The following LRRC4C variants were observed in gnomAD, a reference collection of about 807,000 sequenced individuals.
LRRC4C encodes the protein leucine rich repeat containing 4C, also known as leucine-rich repeat-containing protein 4C.
Under a neutral mutation model 33.6 loss-of-function variants are expected in LRRC4C, and 5 were observed. The ratio of observed to expected loss-of-function variants is 0.15; its 90% CI spans 0.08 to 0.31. The LOEUF (loss-of-function observed/expected upper bound fraction) is 0.31, where lower values mean the gene tolerates loss of function less well. Among genes scored for constraint, LRRC4C ranks in the 10% least tolerant of loss-of-function variants. The pLI is 1.00. For missense variants in LRRC4C, 560 were observed against 796.7 expected, an observed-to-expected ratio of 0.70 and a Z score of 3.58; for synonymous variants, 329 against 302.0, an observed-to-expected ratio of 1.09 and a Z score of -0.93.
intron 5 of LRRC4C, among the ~76,000 whole-genome samples, chr11:40,156,032 C>T (rs187490045): frequency 6.6e-6 from 1 of 152,198 alleles, no homozygotes; most frequent in Non-Finnish European, 1.5e-5. Flanking sequence ...ACCATAGATG[C>T]AGGGATGGTT....
chr11:41,330,289 C>T (rs1951250877), intron 1 of LRRC4C, among the ~76,000 whole-genome samples: 1 of 152,088 alleles, frequency 6.6e-6, no homozygotes, highest in Non-Finnish European at 1.5e-5. Context: ...TTTGAATTCT[C>T]ATTACTGTTG....
chr11:40,968,459 A>T (rs1851502703), intron 1 of LRRC4C, among the ~76,000 whole-genome samples: 1 of 152,148 alleles, frequency 6.6e-6, no homozygotes, highest in Non-Finnish European at 1.5e-5. Flanking sequence ...GTAGAAAAAA[A>T]TGACTATGTT....
At chr11:40,817,389 A>C (rs1356504685) in intron 2 of LRRC4C, among the ~76,000 whole-genome samples, 1 of 152,150 alleles carries the variant, frequency 6.6e-6, no homozygotes, top group Admixed American at 6.6e-5. Context: ...AGTTTTTCAG[A>C]TCCTTTTAAC....
chr11:41,398,767 G>A (rs1440691241), intron 1 of LRRC4C, among the ~76,000 whole-genome samples: 3 of 151,798 alleles, frequency 2.0e-5, no homozygotes, highest in Non-Finnish European at 2.9e-5. Context: ...GCAACACACA[G>A]GCCTAATTCT....
At chr11:40,898,558 C>T (rs1956069440) in intron 2 of LRRC4C, among the ~76,000 whole-genome samples, 1 of 150,992 alleles carries the variant, frequency 6.6e-6, no homozygotes, top group Non-Finnish European at 1.5e-5. Context: ...TACACACTCA[C>T]AAAAAGAAAA....
rs186376158 is a variant in LRRC4C at position 40,137,056 on chromosome 11, T to C, written c.-43+3745A>G. Among the ~76,000 whole-genome samples the C allele has an allele frequency of 1.4e-3, 219 of 152,330 alleles. 1 individual carries two copies. The highest frequency in any genetic ancestry group is 4.9e-3 in the African/African-American group (202 of 41,584). On this transcript the variant is annotated intron_variant, in intron 6 of 6. Transcript: ENST00000528697. ...ATAAGCATATAACAACAAAAAAAGT[T>C]AGAGCTATCATTTTTATCTCCAATA...
At chr11:40,706,164 G>A (rs1162536525) in intron 2 of LRRC4C, among the ~76,000 whole-genome samples, 1 of 152,072 alleles carries the variant, frequency 6.6e-6, no homozygotes, top group Non-Finnish European at 1.5e-5. Context: ...TAGGTTGCCT[G>A]TTCACTCTGA....
At chr11:40,468,436 G>A (rs1185772655) in intron 3 of LRRC4C, among the ~76,000 whole-genome samples, 1 of 152,156 alleles carries the variant, frequency 6.6e-6, no homozygotes, top group African/African-American at 2.4e-5. Context: ...CATATGGAGA[G>A]TAATCTACTT....
chr11:40,921,817 T>G (rs1293779562), intron 2 of LRRC4C, among the ~76,000 whole-genome samples: 2 of 152,258 alleles, frequency 1.3e-5, no homozygotes, highest in East Asian at 1.9e-4. Context: ...ACAATAGCAA[T>G]GGAAAATAAA....
At chr11:41,012,584 C>T (rs1435728094) in intron 1 of LRRC4C, among the ~76,000 whole-genome samples, 1 of 152,074 alleles carries the variant, frequency 6.6e-6, no homozygotes, top group Admixed American at 6.6e-5. Flanking sequence ...TATTTCCTTT[C>T]TTTTGAATAT....
intron 1 of LRRC4C, among the ~76,000 whole-genome samples, chr11:41,395,810 A>G (rs2138051244): frequency 6.6e-6 from 1 of 151,948 alleles, no homozygotes; most frequent in East Asian, 1.9e-4. Context: ...CACTCCTCTT[A>G]CCCTCCAACA....
At chr11:41,190,330 T>C (rs72892675) in intron 1 of LRRC4C, among the ~76,000 whole-genome samples, 429 of 152,228 alleles carry the variant, frequency 2.8e-3, no homozygotes, top group Non-Finnish European at 4.4e-3. Context: ...TTGGAAACCT[T>C]ATAATTAAGG....
intron 1 of LRRC4C, among the ~76,000 whole-genome samples, chr11:41,221,624 A>T (rs575122296): frequency 7.2e-5 from 11 of 152,350 alleles, no homozygotes; most frequent in Non-Finnish European, 1.2e-4. Flanking sequence ...ATCACTATTT[A>T]CAATAGTAAA....
chr11:40,899,356 C>T (rs946537367), intron 2 of LRRC4C, among the ~76,000 whole-genome samples: 6 of 152,118 alleles, frequency 3.9e-5, no homozygotes, highest in African/African-American at 1.4e-4. Context: ...ATCTTCGTAC[C>T]GTGACCCTTC....
chr11:40,628,998 C>T (rs922357999), intron 3 of LRRC4C, among the ~76,000 whole-genome samples: 3 of 151,926 alleles, frequency 2.0e-5, no homozygotes, highest in Admixed American at 6.6e-5. Context: ...AAACGTTTGC[C>T]TATTGGGGTA....
chr11:40,370,389 C>T (rs917010164), intron 3 of LRRC4C, among the ~76,000 whole-genome samples: 6 of 152,136 alleles, frequency 3.9e-5, no homozygotes, highest in African/African-American at 1.4e-4. Context: ...GATTAATGAT[C>T]AGGGAAGATG....
intron 2 of LRRC4C, among the ~76,000 whole-genome samples, chr11:40,675,753 T>G (rs1944367592): frequency 6.6e-6 from 1 of 152,240 alleles, no homozygotes; most frequent in Admixed American, 6.5e-5. Flanking sequence ...CTTGGATATA[T>G]TCACACAGTC....
chr11:40,287,256 A>G lies in LRRC4C; in HGVS notation c.-176+32372T>C, dbSNP rs928991854. ...TAAGGAAGCAACTTAATGTCACTGT[A>G]TGTGTGTGTGTGTGTGTGTGTGTGT... is the stretch of plus-strand genomic sequence containing the variant. On this transcript the variant is annotated intron_variant, in intron 4 of 6. Transcript: ENST00000528697. 5.2e-4 allele frequency among the ~76,000 whole-genome samples: 75 copies of G among 144,876 alleles called. 1 individual carries two copies. The South Asian group carries it at 0.013, about 26-fold the overall frequency.
At chr11:41,200,979 T>C (rs1230053403) in intron 1 of LRRC4C, among the ~76,000 whole-genome samples, 2 of 152,190 alleles carry the variant, frequency 1.3e-5, no homozygotes, top group African/African-American at 4.8e-5. Context: ...ATGAAACTTG[T>C]ATGCATTTTA....
Sources: allele counts gnomAD v4.1 joint callset (sites outside exome capture counted in the v4.1 genomes callset), GRCh38; gene constraint gnomAD v4.1.1; transcripts MANE v1.5; gene names NCBI Gene and HGNC (gene_info 2026-07-23, HGNC 2026-07-21).